The following SERGEF variants were observed in gnomAD, a reference collection of about 807,000 sequenced individuals.
The protein encoded by SERGEF is secretion regulating guanine nucleotide exchange factor.
In SERGEF, 51 loss-of-function variants were observed where a neutral mutation model predicts 50.0. The ratio of observed to expected loss-of-function variants is 1.02; its 90% CI spans 0.81 to 1.29. The LOEUF is 1.29. SERGEF is among the 50% of genes most tolerant of loss of function. The pLI is 0.00. For synonymous variants in SERGEF, 205 were observed against 212.4 expected (o/e 0.97, Z 0.30); for missense variants, 521 against 557.0 (o/e 0.94, Z 0.65).
In SERGEF at chr11:17,971,781, T is replaced by C. The variant is rs1021092550; in HGVS notation, c.845-12145A>G. On this transcript the variant is annotated intron_variant, in intron 8 of 10. Coordinates refer to ENST00000265965, the MANE Select transcript of SERGEF (RefSeq NM_012139.4). ...GAAATACATTTTGTAAAGCTATAGC[T>C]GCCATAGATAGTGATTCCTCTGATG... 7.2e-5 allele frequency among the ~76,000 whole-genome samples: 11 copies of C among 152,352 alleles called. No homozygotes were observed. The East Asian group carries it at 1.9e-3, about 27-fold the overall frequency.
chr11:18,012,795 TC>T (rs1019932852), intron 1 of SERGEF, 155 bp downstream of exon 1: 9 of 590,606 alleles, frequency 1.5e-5, no homozygotes, highest in African/African-American at 1.5e-4. Context: ...CCGCTCCTCC[TC>T]CGCTCCCCCT....
intron 10 of SERGEF, among the ~76,000 whole-genome samples, chr11:17,836,277 G>A (rs1164040797): frequency 1.3e-5 from 2 of 152,180 alleles, no homozygotes; most frequent in Non-Finnish European, 2.9e-5. Flanking sequence ...GCTTCCTGGA[G>A]AAAAGGACCA....
chr11:17,987,627 A>C (rs1421982713), intron 8 of SERGEF, among the ~76,000 whole-genome samples: 1 of 152,246 alleles, frequency 6.6e-6, no homozygotes, highest in African/African-American at 2.4e-5. Context: ...GAAATGTTTT[A>C]AAAGACCAAT....
chr11:17,952,936 T>A (rs1034807932), intron 9 of SERGEF, among the ~76,000 whole-genome samples: 1 of 152,166 alleles, frequency 6.6e-6, no homozygotes, highest in African/African-American at 2.4e-5. Context: ...TCTATCTGGC[T>A]GCTCTTCCTC....
intron 9 of SERGEF, among the ~76,000 whole-genome samples, chr11:17,900,685 T>G (rs1851733422): frequency 6.6e-6 from 1 of 152,204 alleles, no homozygotes; most frequent in South Asian, 2.1e-4. Flanking sequence ...CATACAAACA[T>G]GAACCACTGG....
At chr11:17,833,646 C>A (rs1170848083) in intron 10 of SERGEF, among the ~76,000 whole-genome samples, 1 of 152,218 alleles carries the variant, frequency 6.6e-6, no homozygotes, top group Non-Finnish European at 1.5e-5. Context: ...CGGTACCCTG[C>A]AAATCCACAG....
chr11:17,927,810 A>T (rs143261768), intron 9 of SERGEF, among the ~76,000 whole-genome samples: 1 of 152,374 alleles, frequency 6.6e-6, no homozygotes, highest in East Asian at 1.9e-4. Flanking sequence ...GTGATTGCAC[A>T]CACATTGAAA....
chr11:17,976,816 C>T (rs1469349155), intron 8 of SERGEF, among the ~76,000 whole-genome samples: 1 of 152,282 alleles, frequency 6.6e-6, no homozygotes, highest in Non-Finnish European at 1.5e-5. Context: ...GACCTCTACA[C>T]CCTTCCCAGA....
chr11:17,907,725 G>C (rs1340680227), intron 9 of SERGEF, among the ~76,000 whole-genome samples: 1 of 152,116 alleles, frequency 6.6e-6, no homozygotes, highest in Non-Finnish European at 1.5e-5. Context: ...AAATAACCTG[G>C]ACATTAGTCA....
At chr11:18,010,944 C>A (rs150427253) in intron 1 of SERGEF, among the ~76,000 whole-genome samples, 1 of 152,224 alleles carries the variant, frequency 6.6e-6, no homozygotes, top group Non-Finnish European at 1.5e-5. Context: ...CTGCTGAACA[C>A]CTGGGAGAAA....
At chr11:17,926,928 C>G (rs146830399) in intron 9 of SERGEF, 1 of 439,612 alleles carries the variant, frequency 2.3e-6, no homozygotes, top group African/African-American at 2.0e-5. Flanking sequence ...ACTGTCTGCT[C>G]CTATGCCCCT....
chr11:17,952,764 C>T (rs959782598), intron 9 of SERGEF, among the ~76,000 whole-genome samples: 6 of 152,148 alleles, frequency 3.9e-5, no homozygotes, highest in Admixed American at 2.6e-4. Flanking sequence ...CTTCTACCTT[C>T]CCACTGAAGC....
chr11:17,797,105 TC>T (rs1377402461), intron 10 of SERGEF, among the ~76,000 whole-genome samples: 1 of 152,200 alleles, frequency 6.6e-6, no homozygotes, highest in Non-Finnish European at 1.5e-5. Context: ...ACCAGTGCCA[TC>T]ACCCCTCAAG....
intron 10 of SERGEF, among the ~76,000 whole-genome samples, chr11:17,831,020 T>C (rs931540762): frequency 2.0e-5 from 3 of 152,244 alleles, no homozygotes; most frequent in Non-Finnish European, 2.9e-5. Context: ...CTTCCCAAAG[T>C]ACTTTTCTAT....
chr11:17,833,682 A>G (rs1030141156), intron 10 of SERGEF, among the ~76,000 whole-genome samples: 1 of 152,178 alleles, frequency 6.6e-6, no homozygotes, highest in Admixed American at 6.5e-5. Flanking sequence ...GGACTATGGG[A>G]ACCTACCTCT....
chr11:17,849,501 G>A (rs1850674681), intron 10 of SERGEF, among the ~76,000 whole-genome samples: 2 of 152,038 alleles, frequency 1.3e-5, no homozygotes, highest in South Asian at 4.1e-4. Context: ...CACCCTTGAG[G>A]CTAATGAAAA....
intron 10 of SERGEF, among the ~76,000 whole-genome samples, chr11:17,798,139 T>G (rs1435124159): frequency 6.6e-6 from 1 of 152,170 alleles, no homozygotes; most frequent in Non-Finnish European, 1.5e-5. Flanking sequence ...AATAAGTGTG[T>G]TGAATTGATG....
chr11:17,998,937 A>C (rs750715542), intron 5 of SERGEF, among the ~76,000 whole-genome samples: 1 of 152,058 alleles, frequency 6.6e-6, no homozygotes, highest in Non-Finnish European at 1.5e-5. Context: ...TCAGCCTCCT[A>C]GTTTGTGGTA....
intron 9 of SERGEF, among the ~76,000 whole-genome samples, chr11:17,944,182 C>T (rs568630477): frequency 6.6e-6 from 1 of 152,300 alleles, no homozygotes; most frequent in East Asian, 1.9e-4. Flanking sequence ...CCGCCTCGGC[C>T]TCCCAAAGTG....
Sources: gnomAD v4.1 joint callset for allele counts (sites outside exome capture counted in the v4.1 genomes callset) on GRCh38, gnomAD v4.1.1 for gene constraint, MANE v1.5 for transcripts, NCBI Gene and HGNC (gene_info 2026-07-23, HGNC 2026-07-21) for gene names.